The following GPR158 variants were observed in gnomAD, a reference collection of about 807,000 sequenced individuals.
The protein encoded by GPR158 is G protein-coupled receptor 158.
A neutral mutation model predicts 78.2 loss-of-function variants in GPR158; 30 were observed. The ratio of observed to expected loss-of-function variants is 0.38; its 90% CI spans 0.29 to 0.52. The LOEUF is 0.52. Among genes scored for constraint, GPR158 ranks in the 20% least tolerant of loss-of-function variants. GPR158 has a pLI of 0.83. For synonymous variants in GPR158, 581 were observed against 591.1 expected (o/e 0.98, Z 0.25); for missense variants, 1,463 against 1,523.5 (o/e 0.96, Z 0.66).
intron 2 of GPR158, among the ~76,000 whole-genome samples, chr10:25,290,686 G>T (rs1443256279): frequency 6.6e-6 from 1 of 152,098 alleles, no homozygotes; most frequent in Non-Finnish European, 1.5e-5. Context: ...GTGGTCGTAT[G>T]TATCAGGCAA....
rs1395305594 is a variant in GPR158 at position 25,175,832 on chromosome 10, G to A, written c.412G>A (p.Val138Met). 1.2e-6 allele frequency: 2 copies of A among 1,613,304 alleles called. No homozygotes were observed. The highest frequency in any genetic ancestry group is 1.7e-6 in the Non-Finnish European group (2 of 1,179,964). ...TLTHATNFLN[V>M]MLQSNKSREQ... ...GACACACGCCACCAACTTCCTCAAC[G>A]TGATGCTGCAGAGCAATAAGTCGCG... The change falls in exon 1 of 11, where the codon GTG becomes ATG. Residue 138 changes from valine to methionine, a missense_variant. Val to Met is a conservative substitution (Grantham distance 21, BLOSUM62 1). Coordinates refer to ENST00000376351, the MANE Select transcript of GPR158 (RefSeq NM_020752.3). This position sits in a 1 kb window ranked among gnomAD's most constrained non-coding sequence, Gnocchi z 6.4.
chr10:25,242,539 A>G (rs1853640745), intron 2 of GPR158, among the ~76,000 whole-genome samples: 1 of 152,192 alleles, frequency 6.6e-6, no homozygotes, highest in African/African-American at 2.4e-5. Context: ...TAGGAAATTT[A>G]TTTATTAGAA....
chr10:25,522,168 A>C (rs1254546572), intron 5 of GPR158, among the ~76,000 whole-genome samples: 1 of 152,214 alleles, frequency 6.6e-6, no homozygotes, highest in Non-Finnish European at 1.5e-5. Flanking sequence ...TATGTAAGTT[A>C]AGAGTATTGA....
chr10:25,486,955 A>G (rs770525300), intron 5 of GPR158, among the ~76,000 whole-genome samples: 15 of 152,150 alleles, frequency 9.9e-5, no homozygotes, highest in Admixed American at 2.0e-4. Flanking sequence ...ATACCTTGGA[A>G]AAGGGGGAGA....
intron 2 of GPR158, among the ~76,000 whole-genome samples, chr10:25,370,973 A>G (rs1833981193): frequency 6.7e-6 from 1 of 148,622 alleles, no homozygotes. Flanking sequence ...CTGTTTTATC[A>G]GAGACTAGGA....
intron 2 of GPR158, among the ~76,000 whole-genome samples, chr10:25,228,966 C>T (rs765000155): frequency 2.0e-5 from 3 of 147,614 alleles, no homozygotes; most frequent in Non-Finnish European, 3.0e-5. Flanking sequence ...ACCCCGGAGG[C>T]GGGGTTTACA....
chr10:25,412,390 C>A lies in GPR158; in HGVS notation c.1252C>A (p.Leu418Ile), dbSNP rs1834603730. Residue 418 changes from leucine (L) to isoleucine (I), a missense_variant, in exon 4 of 11, where the codon CTT becomes ATT. Leu to Ile is a conservative substitution (Grantham distance 5). Coordinates refer to ENST00000376351, the MANE Select transcript of GPR158 (RefSeq NM_020752.3). ...CGTCCAGGAAGATAAGTATTTACGA[C>A]TTGCCATCATCTCCTTCCAAGCCCT... Reference protein sequence around the residue: ...CFVQEDKYLRLAIISFQALCM... With the variant: ...CFVQEDKYLRIAIISFQALCM... 2 of 1,613,928 alleles carry A rather than the reference C, an allele frequency of 1.2e-6. No homozygotes were observed. The highest frequency in any genetic ancestry group is 4.5e-5 in the East Asian group (2 of 44,876).
chr10:25,284,102 G>C (rs953306728), intron 2 of GPR158, among the ~76,000 whole-genome samples: 3 of 152,056 alleles, frequency 2.0e-5, no homozygotes, highest in Non-Finnish European at 4.4e-5. Context: ...GCTGGGTAGA[G>C]TGTTCTATGA....
chr10:25,598,917 G>T lies in GPR158; in HGVS notation c.3291G>T (p.Glu1097Asp), dbSNP rs1305459194. 6.2e-7 allele frequency: 1 copy of T among 1,613,930 alleles called. No homozygotes were observed. The highest frequency in any genetic ancestry group is 1.7e-5 in the Admixed American group (1 of 59,990). The change falls in exon 11 of 11, where the codon GAG (glutamate) becomes GAT (aspartate). Residue 1097 changes from glutamate (E) to aspartate (D), a missense_variant. Glu to Asp is a conservative substitution (Grantham distance 45). Transcript: ENST00000376351. ...LLISKTPVLP[E>D]RAKEENGGQP... is the part of the protein sequence containing the mutation. ...TTTCCAAGACTCCAGTTCTCCCAGA[G>T]AGGGCAAAAGAGGAGAACGGAGGTC...
intron 3 of GPR158, among the ~76,000 whole-genome samples, chr10:25,405,157 G>T (rs1253202766): frequency 6.6e-6 from 1 of 151,984 alleles, no homozygotes; most frequent in East Asian, 1.9e-4. Flanking sequence ...AAAGATAGAT[G>T]AACGATAACA....
chr10:25,180,089 A>G (rs1446221666), intron 1 of GPR158, among the ~76,000 whole-genome samples: 1 of 152,144 alleles, frequency 6.6e-6, no homozygotes, highest in Non-Finnish European at 1.5e-5. Context: ...AAATTCCTTT[A>G]AAGAATTAAT....
chr10:25,225,860 G>T (rs1308684456), intron 2 of GPR158, among the ~76,000 whole-genome samples: 1 of 152,038 alleles, frequency 6.6e-6, no homozygotes, highest in Non-Finnish European at 1.5e-5. Context: ...TTTAAAGAAG[G>T]CTAAAAAGGT....
chr10:25,388,161 A>C (rs1180246375), intron 2 of GPR158, among the ~76,000 whole-genome samples: 1 of 152,158 alleles, frequency 6.6e-6, no homozygotes, highest in African/African-American at 2.4e-5. Context: ...AGGTTCATCA[A>C]AGTAGGCTTC....
At chr10:25,241,279 T>TCTTTCCTTTCTTTCTTTC (rs774866791) in intron 2 of GPR158, among the ~76,000 whole-genome samples, 24 of 86,780 alleles carry the variant, frequency 2.8e-4, no homozygotes, top group African/African-American at 7.9e-4. Flanking sequence ...TTCCTTTCTT[T>TCTTTCCTTTCTTTCTTTC]CTTTCTTTTC....
intron 2 of GPR158, among the ~76,000 whole-genome samples, chr10:25,255,735 A>G (rs1271636926): frequency 1.3e-5 from 2 of 152,212 alleles, no homozygotes. Flanking sequence ...CATTTCAAAT[A>G]TCTTTCTCTT....
chr10:25,332,292 T>G (rs558965138), intron 2 of GPR158, among the ~76,000 whole-genome samples: 1 of 152,200 alleles, frequency 6.6e-6, no homozygotes, highest in Non-Finnish European at 1.5e-5. Context: ...TTGATGAAGA[T>G]AGAAAATAGT....
At chr10:25,340,837 G>A (rs1855292503) in intron 2 of GPR158, among the ~76,000 whole-genome samples, 1 of 151,974 alleles carries the variant, frequency 6.6e-6, no homozygotes, top group Non-Finnish European at 1.5e-5. Context: ...ATACTGGTGA[G>A]AGAAATCAAG....
At chr10:25,424,110 A>T (rs1588856693) in intron 4 of GPR158, among the ~76,000 whole-genome samples, 1 of 151,886 alleles carries the variant, frequency 6.6e-6, no homozygotes, top group East Asian at 1.9e-4. Flanking sequence ...TGTGATTTTG[A>T]TTTGCATTTC....
chr10:25,297,876 G>T (rs1031011086), intron 2 of GPR158, among the ~76,000 whole-genome samples: 2 of 152,170 alleles, frequency 1.3e-5, no homozygotes, highest in African/African-American at 4.8e-5. Flanking sequence ...TATAATGTTT[G>T]CTGTGCTATA....
Sources: gnomAD v4.1 joint callset for allele counts (sites outside exome capture counted in the v4.1 genomes callset) on GRCh38, gnomAD v4.1.1 for gene constraint, Gnocchi (gnomAD v3.1) non-coding constraint, MANE v1.5 for transcripts, NCBI Gene and HGNC (gene_info 2026-07-23, HGNC 2026-07-21) for gene names.